The following TBCE variants were observed in gnomAD, a reference collection of about 807,000 sequenced individuals.
The protein encoded by TBCE is tubulin folding cofactor E.
A neutral mutation model predicts 77.0 loss-of-function variants in TBCE; 53 were observed. The observed-to-expected ratio is 0.69, with a 90% CI of 0.55 to 0.87. The LOEUF is 0.87. TBCE is among the 40% of genes least tolerant of loss of function. TBCE has a pLI of 0.00. For missense variants in TBCE, 624 were observed against 622.4 expected, an observed-to-expected ratio of 1.00 and a Z score of -0.03; for synonymous variants, 235 against 241.3, an observed-to-expected ratio of 0.97 and a Z score of 0.24.
chr1:235,402,087 C>T (rs566021981), intron 3 of TBCE, among the ~76,000 whole-genome samples: 1 of 137,260 alleles, frequency 7.3e-6, no homozygotes, highest in Admixed American at 7.7e-5. Context: ...TTTTTTGAGA[C>T]GGAGTCTCAC....
chr1:235,406,446 G>A lies in TBCE; in HGVS notation c.185+4859G>A, dbSNP rs184519314. The stretch of plus-strand genomic sequence containing the variant: ...TGTCTAAGTGTAACATTTTATTTGG[G>A]AAGCAAGAATTGCAGTTCAGGGCAT... On this transcript the variant is annotated intron_variant, in intron 3 of 16. Transcript: ENST00000642610. 5.9e-3 allele frequency among the ~76,000 whole-genome samples: 898 copies of A among 152,320 alleles called. 3 individuals are homozygous for A. Among genetic ancestry groups the A allele is most frequent in the Non-Finnish European group, 7.7e-3 (522 of 68,030 alleles).
intron 4 of TBCE, among the ~76,000 whole-genome samples, chr1:235,416,699 C>A (rs750560751): frequency 6.6e-6 from 1 of 152,184 alleles, no homozygotes; most frequent in Non-Finnish European, 1.5e-5. Flanking sequence ...CTGTAAATGA[C>A]CCTACTACTT....
intron 7 of TBCE, among the ~76,000 whole-genome samples, chr1:235,432,223 A>C (rs12072301): frequency 0.18 from 27,753 of 151,914 alleles, 3,506 homozygotes; most frequent in African/African-American, 0.36. Context: ...ACCTCAAATG[A>C]TCTGCCTGTC....
chr1:235,412,731 T>TAG (rs1313059149), intron 3 of TBCE, among the ~76,000 whole-genome samples: 2 of 152,232 alleles, frequency 1.3e-5, no homozygotes, highest in African/African-American at 4.8e-5. Flanking sequence ...ACCCACATCT[T>TAG]AGAGAAAACT....
intron 2 of TBCE, among the ~76,000 whole-genome samples, chr1:235,391,579 A>G (rs1293904182): frequency 2.0e-5 from 3 of 147,692 alleles, no homozygotes; most frequent in African/African-American, 5.0e-5. Context: ...ACATGTTACC[A>G]TACCATATTT....
chr1:235,435,251 C>T (rs1681369196), intron 8 of TBCE, among the ~76,000 whole-genome samples: 2 of 151,984 alleles, frequency 1.3e-5, no homozygotes, highest in African/African-American at 4.8e-5. Context: ...CAGGCACGTG[C>T]CACCATGCCT....
chr1:235,427,218 AC>A lies in TBCE; in HGVS notation c.541del (p.Leu181TrpfsTer11). The A allele has an allele frequency of 6.2e-7, 1 of 1,613,730 alleles. No homozygotes were observed. Among genetic ancestry groups the A allele is most frequent in the Non-Finnish European group, 8.5e-7 (1 of 1,179,712 alleles). On this transcript the variant is annotated frameshift_variant, in exon 6 of 17. Coordinates refer to ENST00000642610, the MANE Select transcript of TBCE (RefSeq NM_003193.5). LOFTEE classifies it high-confidence loss of function. ...ATACACATTGCTGATCAGCTCAGAC[AC>A]CTGGAAGTCCTTAATGTCAGGTATG... ...EVIHIADQLR[H>X]LEVLNVSENK...
intron 11 of TBCE, among the ~76,000 whole-genome samples, chr1:235,437,023 G>A (rs1681495385): frequency 6.6e-6 from 1 of 152,140 alleles, no homozygotes; most frequent in Non-Finnish European, 1.5e-5. Context: ...CAGCTACTCG[G>A]GAGGCTGAGG....
chr1:235,387,111 G>A (rs200341131), intron 2 of TBCE, among the ~76,000 whole-genome samples: 5,647 of 150,516 alleles, frequency 0.038, 147 homozygotes, highest in Non-Finnish European at 0.058. Flanking sequence ...GCAGAACAGC[G>A]GATTTTCGTG....
chr1:235,374,817 ATGT>A (rs1297761637), intron 1 of TBCE, among the ~76,000 whole-genome samples: 1 of 144,572 alleles, frequency 6.9e-6, no homozygotes, highest in African/African-American at 2.7e-5. Flanking sequence ...CCACATTTAA[ATGT>A]TGTCTGGGAA....
At chr1:235,437,560 C>G in intron 12 of TBCE, 86 bp downstream of exon 12, 2 of 1,526,896 alleles carry the variant, frequency 1.3e-6, no homozygotes, top group Non-Finnish European at 1.8e-6. Flanking sequence ...ACCTGTAATC[C>G]CAGCACTTTG....
intron 13 of TBCE, among the ~76,000 whole-genome samples, chr1:235,439,865 A>G (rs1681725779): frequency 6.6e-6 from 1 of 151,424 alleles, no homozygotes; most frequent in African/African-American, 2.4e-5. Flanking sequence ...GCAGTGGCAC[A>G]ATCTCAGCTC....
At chr1:235,416,551 A>C (rs1282709548) in intron 4 of TBCE, among the ~76,000 whole-genome samples, 3 of 152,078 alleles carry the variant, frequency 2.0e-5, no homozygotes, top group Non-Finnish European at 4.4e-5. Flanking sequence ...CAAAAAAAAA[A>C]AACCCCAAAT....
intron 8 of TBCE, 42 bp downstream of exon 8, chr1:235,434,322 A>G: frequency 2.0e-6 from 3 of 1,520,960 alleles, no homozygotes; most frequent in South Asian, 2.2e-5. Flanking sequence ...CCATTTAATC[A>G]TCATTCTGAG....
At chr1:235,378,309 C>G (rs1345155931) in intron 1 of TBCE, among the ~76,000 whole-genome samples, 1 of 152,124 alleles carries the variant, frequency 6.6e-6, no homozygotes, top group Non-Finnish European at 1.5e-5. Context: ...CAGCCTCAGT[C>G]TTCTGGGCTC....
chr1:235,374,690 G>A lies in TBCE; in HGVS notation c.-31-5329G>A, dbSNP rs10159307. On this transcript the variant is annotated intron_variant, in intron 1 of 16. Transcript: ENST00000642610. ...TAATTTTTGTATTTTTAGTAGAGAC[G>A]GGGTTTCACCATGTTGGCCAGGCTG... Among the ~76,000 whole-genome samples the A allele has an allele frequency of 9.7e-3, 1,348 of 139,592 alleles. 205 individuals carry two copies. Among genetic ancestry groups the A allele is most frequent in the African/African-American group, 0.037 (1,307 of 35,532 alleles). 91.6% of individuals were successfully genotyped at this position (139,592 alleles called of 152,430 possible). A position where few individuals can be genotyped will look rare whatever the true frequency, so the allele number is the denominator to read the frequency against.
At chr1:235,406,942 C>G (rs982637704) in intron 3 of TBCE, among the ~76,000 whole-genome samples, 2 of 146,488 alleles carry the variant, frequency 1.4e-5, no homozygotes, top group African/African-American at 5.0e-5. Context: ...TCAAGGGATT[C>G]TCCTGTCTCA....
rs201164091 is a variant in TBCE, at chr1:235,380,084, G to A, written c.35G>A (p.Arg12Gln). The A allele has an allele frequency of 1.1e-5, 18 of 1,613,492 alleles. No individual in the cohort carries two copies. The South Asian group carries it at 1.4e-4, about 13-fold the overall frequency. Residue 12 changes from arginine to glutamine, a missense_variant, in exon 2 of 17, where the codon CGA (arginine) becomes CAA (glutamine). Coordinates refer to ENST00000642610, the MANE Select transcript of TBCE (RefSeq NM_003193.5). ...SDTLTADVIG[R>Q]RVEVNGEHAT... ...ACTTTGACAGCGGATGTCATTGGTCGAAGAGTTGAAGTTAATGGAGAACAT... is the reference window on the plus strand; with the variant it reads ...ACTTTGACAGCGGATGTCATTGGTCAAAGAGTTGAAGTTAATGGAGAACAT...
chr1:235,419,543 G>A lies in TBCE; in HGVS notation c.442G>A (p.Val148Ile), dbSNP rs1157534951. ...AAGTTGTGCTGGTGAAAAAGGAGGA[G>A]TTGCTGAAGCATGTCCTAGTATCCT... ...AVSCAGEKGGVAEACPNIRKV... is the reference protein window; with the variant it reads ...AVSCAGEKGGIAEACPNIRKV... Residue 148 changes from valine (V) to isoleucine (I), a missense_variant, in exon 5 of 17, where the codon GTT becomes ATT. Physicochemically the swap from Val to Ile is conservative, Grantham distance 29. Coordinates refer to ENST00000642610, the MANE Select transcript of TBCE (RefSeq NM_003193.5). 6.2e-7 allele frequency: 1 copy of A among 1,614,050 alleles called. No homozygotes were observed. Among genetic ancestry groups the A allele is most frequent in the East Asian group, 2.2e-5 (1 of 44,870 alleles).
Sources: allele counts gnomAD v4.1 joint callset (sites outside exome capture counted in the v4.1 genomes callset), GRCh38; gene constraint gnomAD v4.1.1; transcripts MANE v1.5; gene names NCBI Gene and HGNC (gene_info 2026-07-23, HGNC 2026-07-21).